The following RNF139 variants were observed in gnomAD, a reference collection of about 807,000 sequenced individuals.
The protein encoded by RNF139 is ring finger protein 139.
A neutral mutation model predicts 49.5 loss-of-function variants in RNF139; 15 were observed. That is an observed-to-expected ratio of 0.30 (90% CI 0.20 to 0.47). The LOEUF is 0.47. RNF139 is among the 20% of genes least tolerant of loss of function. The pLI, the probability that RNF139 is intolerant of heterozygous loss-of-function variation, is 1.00. For missense variants in RNF139, 619 were observed against 806.3 expected (o/e 0.77, Z 2.81); for synonymous variants, 325 against 300.9 (o/e 1.08, Z -0.83).
chr8:124,483,107 A>ATATTATTAAATATATATATAT (rs1403803842), intron 1 of RNF139, among the ~76,000 whole-genome samples: 1 of 1,916 alleles, frequency 5.2e-4, no homozygotes, highest in African/African-American at 5.4e-3. Flanking sequence ...AAATATATAT[A>ATATTATTAAATATATATATAT]TTAAAAATAT....
At chr8:124,479,634 C>A (rs1299251071) in intron 1 of RNF139, among the ~76,000 whole-genome samples, 1 of 152,114 alleles carries the variant, frequency 6.6e-6, no homozygotes, top group African/African-American at 2.4e-5. Flanking sequence ...CATTAGATGC[C>A]AGTAGCACCT....
At chr8:124,480,098 C>T (rs1816381656) in intron 1 of RNF139, among the ~76,000 whole-genome samples, 1 of 151,624 alleles carries the variant, frequency 6.6e-6, no homozygotes, top group Non-Finnish European at 1.5e-5. Context: ...TGCATAACTG[C>T]ACTCCAGCCT....
chr8:124,478,890 T>G (rs763482878), intron 1 of RNF139, among the ~76,000 whole-genome samples: 1 of 148,854 alleles, frequency 6.7e-6, no homozygotes, highest in Non-Finnish European at 1.5e-5. Flanking sequence ...CCCCGGCAAA[T>G]TTTTTTCTAT....
In RNF139 at chr8:124,485,592, T is replaced by C. The variant is rs545432908; in HGVS notation, c.182-239T>C. On this transcript the variant is annotated intron_variant, in intron 1 of 1. Coordinates refer to ENST00000303545, the MANE Select transcript of RNF139 (RefSeq NM_007218.4). Reference sequence around the variant, plus strand: ...AGCTACAGTGTTACTTGAAATACTTTGGAAATTAGAAAGTAAGGAATGAAA... The same window carrying C: ...AGCTACAGTGTTACTTGAAATACTTCGGAAATTAGAAAGTAAGGAATGAAA... Among the ~76,000 whole-genome samples, 11 of 152,326 alleles carry C rather than the reference T, an allele frequency of 7.2e-5. No homozygotes were observed. The South Asian group carries it at 2.3e-3, about 32-fold the overall frequency.
Position 124,487,318 on chromosome 8 carries a change from T to C in RNF139, c.1669T>C (p.Ser557Pro), listed in dbSNP as rs776647888. ...AATCTGCTATCATGAGTTTACAACATCTGCTCGTATTACACCGTGTAATCA... is the reference window on the plus strand; with the variant it reads ...AATCTGCTATCATGAGTTTACAACACCTGCTCGTATTACACCGTGTAATCA... The part of the protein sequence containing the change: ...CAICYHEFTT[S>P]ARITPCNHYF... The change falls in exon 2 of 2, where the codon TCT becomes CCT. Residue 557 changes from serine to proline, a missense_variant. This residue lies in a region of RNF139 where 530 missense variants were observed against 728.9 expected (regional missense o/e 0.73). Transcript: ENST00000303545. 29 of 1,613,988 alleles carry C rather than the reference T, an allele frequency of 1.8e-5. No individual in the cohort carries two copies. The highest frequency in any genetic ancestry group is 2.2e-5 in the Non-Finnish European group (26 of 1,179,990).
At position 124,482,954 on chromosome 8, in the gene RNF139, AT is replaced by A. The variant is rs1816446066; in HGVS notation, c.182-2876del. ...AAAATATAAAAAAAAATATATATATATATAATATATATATATTATTTAAATA... is the reference window on the plus strand; with the variant it reads ...AAAATATAAAAAAAAATATATATATAATAATATATATATATTATTTAAATA... On this transcript the variant is annotated intron_variant, in intron 1 of 1. Transcript: ENST00000303545. Among the ~76,000 whole-genome samples, 3 of 95,396 alleles carry A rather than the reference AT, an allele frequency of 3.1e-5. No homozygotes were observed. In the South Asian group the frequency reaches 9.6e-4, roughly 30 times the overall value. 62.6% of individuals were successfully genotyped at this position (95,396 alleles called of 152,430 possible). A position where few individuals can be genotyped will look rare whatever the true frequency, so the allele number is the denominator to read the frequency against.
intron 1 of RNF139, among the ~76,000 whole-genome samples, chr8:124,479,655 C>T (rs893267418): frequency 2.0e-5 from 3 of 152,162 alleles, no homozygotes; most frequent in Non-Finnish European, 4.4e-5. Flanking sequence ...TGCACCCCCA[C>T]ACCCCAGTGT....
In RNF139 at chr8:124,488,147, T is replaced by A. The variant is rs1209109950; in HGVS notation, c.*503T>A. Among the ~76,000 whole-genome samples the A allele has an allele frequency of 1.3e-5, 2 of 152,190 alleles. No homozygotes were observed. The highest frequency in any genetic ancestry group is 2.9e-5 in the Non-Finnish European group (2 of 68,030). Reference sequence around the variant, plus strand: ...GAAAAAATTAGCTGCCAGAAGCAACTGAGGACCTTTTTTGAAACTTGAGTA... The same window carrying A: ...GAAAAAATTAGCTGCCAGAAGCAACAGAGGACCTTTTTTGAAACTTGAGTA... On this transcript the variant is annotated 3_prime_UTR_variant, in exon 2 of 2. Coordinates refer to ENST00000303545, the MANE Select transcript of RNF139 (RefSeq NM_007218.4).
Position 124,475,238 on chromosome 8 carries a change from T to G in RNF139, c.129T>G (p.Asp43Glu). The G allele has an allele frequency of 6.2e-7, 1 of 1,613,674 alleles. No individual in the cohort carries two copies. Among genetic ancestry groups the G allele is most frequent in the Non-Finnish European group, 8.5e-7 (1 of 1,179,788 alleles). ...IIDAIFNSYP[D>E]SSQSRFCIVL... ...ACGCCATCTTCAACTCCTACCCGGA[T>G]TCCAGCCAAAGCCGGTTCTGCATCG... is the stretch of plus-strand genomic sequence containing the variant. The change falls in exon 1 of 2, where the codon GAT becomes GAG. Residue 43 changes from aspartate (D) to glutamate (E), a missense_variant. Transcript: ENST00000303545.
Position 124,475,023 on chromosome 8 carries a change from G to A in RNF139, c.-87G>A, listed in dbSNP as rs1021347187. Reference sequence around the variant, plus strand: ...AAGGAGGGCAGGGGCGGAGTTGCCCGCCTTAGCCCCCGCCCCCGGCCGCGG... The same window carrying A: ...AAGGAGGGCAGGGGCGGAGTTGCCCACCTTAGCCCCCGCCCCCGGCCGCGG... On this transcript the variant is annotated 5_prime_UTR_variant, in exon 1 of 2. Coordinates refer to ENST00000303545, the MANE Select transcript of RNF139 (RefSeq NM_007218.4). 1.0e-5 allele frequency: 9 copies of A among 903,768 alleles called. No homozygotes were observed. Among genetic ancestry groups the A allele is most frequent in the African/African-American group, 5.3e-5 (3 of 57,114 alleles). 56.0% of individuals were successfully genotyped at this position (903,768 alleles called of 1,614,324 possible). A position where few individuals can be genotyped will look rare whatever the true frequency, so the allele number is the denominator to read the frequency against.
chr8:124,484,931 A>G (rs1261972729), intron 1 of RNF139, among the ~76,000 whole-genome samples: 1 of 152,164 alleles, frequency 6.6e-6, no homozygotes, highest in African/African-American at 2.4e-5. Context: ...AAAAAAATGG[A>G]ATTTTGGACC....
At position 124,475,089 on chromosome 8, in the gene RNF139, G is replaced by C. The variant is rs564831571; in HGVS notation, c.-21G>C. 9 of 1,536,460 alleles carry C rather than the reference G, an allele frequency of 5.9e-6. No individual in the cohort carries two copies. In the Admixed American group the frequency reaches 1.8e-4, roughly 30 times the overall value. On this transcript the variant is annotated 5_prime_UTR_variant, in exon 1 of 2. Coordinates refer to ENST00000303545, the MANE Select transcript of RNF139 (RefSeq NM_007218.4). The stretch of plus-strand genomic sequence containing the variant: ...CGCGCGGCCCTGCCCGGCCCACCGA[G>C]CCCTGGTGTGGCAGCGGCTCATGGC...
At chr8:124,481,587 C>G (rs1419690535) in intron 1 of RNF139, among the ~76,000 whole-genome samples, 7 of 151,978 alleles carry the variant, frequency 4.6e-5, no homozygotes, top group Admixed American at 4.6e-4. Context: ...GATTTGGATA[C>G]CTGCCTCTTT....
chr8:124,482,944 ATATATATATATAT>A (rs1563630979), intron 1 of RNF139, among the ~76,000 whole-genome samples: 4 of 100,534 alleles, frequency 4.0e-5, no homozygotes, highest in African/African-American at 1.1e-4. Context: ...ATAAAAAAAA[ATATATATATATAT>A]AATATATATA....
chr8:124,480,140 A>T (rs548547266), intron 1 of RNF139, among the ~76,000 whole-genome samples: 7 of 121,600 alleles, frequency 5.8e-5, no homozygotes, highest in Admixed American at 5.4e-4. Context: ...CCTGTCTCTT[A>T]AAAAAAAAAA....
chr8:124,481,547 G>A (rs950984476), intron 1 of RNF139, among the ~76,000 whole-genome samples: 7 of 152,016 alleles, frequency 4.6e-5, no homozygotes, highest in African/African-American at 1.7e-4. Context: ...CATGAGTTGA[G>A]TTCATATATA....
rs1310138487 is a variant in RNF139, at chr8:124,475,169, G to A, written c.60G>A (p.Ala20=). ...GGATGGCCCATCAGCAGGTCTGGGC[G>A]GCGCTCGAAGTGGCGCTCCGGGTGC... ...QVRMAHQQVW[A]ALEVALRVPC... The change falls in exon 1 of 2, where the codon GCG becomes GCA. Residue 20 remains alanine, a synonymous_variant. Transcript: ENST00000303545. 22 of 1,613,258 alleles carry A rather than the reference G, an allele frequency of 1.4e-5. No individual in the cohort carries two copies. The highest frequency in any genetic ancestry group is 1.8e-5 in the Non-Finnish European group (21 of 1,179,964).
rs1025510108 is a variant in RNF139, at chr8:124,488,445, G to A, written c.*801G>A. ...TAAAAACATCCTGATCTGATTTTAC[G>A]AGAAAAAGAAGGGGAATGGTGGGGA... is the stretch of plus-strand genomic sequence containing the variant. On this transcript the variant is annotated 3_prime_UTR_variant, in exon 2 of 2. Coordinates refer to ENST00000303545, the MANE Select transcript of RNF139 (RefSeq NM_007218.4). The A allele has an allele frequency of 1.5e-5, 7 of 471,898 alleles. No individual in the cohort carries two copies. The highest frequency in any genetic ancestry group is 5.5e-4 in the Middle Eastern group (1 of 1,808). The allele number at this position is 471,898 out of a possible 1,614,324, so 29.2% of individuals were successfully genotyped here.
chr8:124,482,942 A>AT lies in RNF139; in HGVS notation c.182-2889_182-2888insT, dbSNP rs1275471950. On this transcript the variant is annotated intron_variant, in intron 1 of 1. Coordinates refer to ENST00000303545, the MANE Select transcript of RNF139 (RefSeq NM_007218.4). Reference sequence around the variant, plus strand: ...ACTCCATTAAAAAAAATATAAAAAAAAATATATATATATATAATATATATA... The same window carrying AT: ...ACTCCATTAAAAAAAATATAAAAAAATAATATATATATATATAATATATATA... Among the ~76,000 whole-genome samples, 63 of 104,280 alleles carry AT rather than the reference A, an allele frequency of 6.0e-4. 5 individuals are homozygous for AT. The South Asian group carries it at 7.5e-3, about 12-fold the overall frequency. The allele number at this position is 104,280 out of a possible 152,430, so 68.4% of individuals were successfully genotyped here.
Sources: allele counts gnomAD v4.1 joint callset (sites outside exome capture counted in the v4.1 genomes callset), GRCh38; gene constraint gnomAD v4.1.1; regional missense constraint gnomAD v4.1.1; transcripts MANE v1.5; gene names NCBI Gene and HGNC (gene_info 2026-07-23, HGNC 2026-07-21).